Variants in PIERCE1 observed in about 807,000 individuals in gnomAD.
PIERCE1 encodes the protein piercer of microtubule wall 1 protein.
the PIERCE1 span, among the ~76,000 whole-genome samples, chr9:135,496,176 G>T: frequency 6.6e-6 from 1 of 152,218 alleles, no homozygotes; most frequent in Admixed American, 6.5e-5. Flanking sequence ...TATTAGCCAG[G>T]TGTGGTGGCG....
At chr9:135,496,775 G>A in the PIERCE1 span, among the ~76,000 whole-genome samples, 2 of 151,108 alleles carry the variant, frequency 1.3e-5, no homozygotes, top group Admixed American at 6.6e-5. Flanking sequence ...GTATCATGGA[G>A]AGGAATTCCC....
the PIERCE1 span, chr9:135,499,719 G>A: frequency 2.5e-6 from 4 of 1,608,070 alleles, no homozygotes; most frequent in South Asian, 2.2e-5. Flanking sequence ...CTGTAGCCCC[G>A]GAACCACCCC....
chr9:135,498,550 C>T, the PIERCE1 span: 2 of 1,604,222 alleles, frequency 1.2e-6, no homozygotes, highest in Admixed American at 1.7e-5. The surrounding 1 kb of genome is among the most constrained non-coding windows in gnomAD (Gnocchi z 4.1). Flanking sequence ...CCACCCACCC[C>T]CTGCCCCCCA....
At chr9:135,498,311 G>C in the PIERCE1 span, among the ~76,000 whole-genome samples, 1 of 152,146 alleles carries the variant, frequency 6.6e-6, no homozygotes, top group African/African-American at 2.4e-5. This position sits in a 1 kb window ranked among gnomAD's most constrained non-coding sequence, Gnocchi z 4.1. Flanking sequence ...GTGGTTGGGT[G>C]TATGGGGGCA....
chr9:135,497,044 G>C, the PIERCE1 span, among the ~76,000 whole-genome samples: 1 of 152,156 alleles, frequency 6.6e-6, no homozygotes, highest in South Asian at 2.1e-4. Flanking sequence ...TGATCCACCC[G>C]CCTCGGCCTC....
At chr9:135,498,731 T>C in the PIERCE1 span, 1 of 1,447,496 alleles carries the variant, frequency 6.9e-7, no homozygotes, top group East Asian at 2.3e-5. This position sits in a 1 kb window ranked among gnomAD's most constrained non-coding sequence, Gnocchi z 4.1. Flanking sequence ...AGCCTTGTAT[T>C]TGGTTGACGG....
chr9:135,498,559 C>A, the PIERCE1 span: 2 of 1,611,172 alleles, frequency 1.2e-6, no homozygotes, highest in African/African-American at 1.3e-5. The surrounding 1 kb of genome is among the most constrained non-coding windows in gnomAD (Gnocchi z 4.1). Context: ...CCCTGCCCCC[C>A]ATGCCCGGTC....
At chr9:135,498,151 G>A in the PIERCE1 span, among the ~76,000 whole-genome samples, 25 of 152,118 alleles carry the variant, frequency 1.6e-4, no homozygotes, top group African/African-American at 5.8e-4. This position sits in a 1 kb window ranked among gnomAD's most constrained non-coding sequence, Gnocchi z 4.1. Context: ...AAGCTGTGCC[G>A]TCAGCCAGTA....
chr9:135,495,404 T>C, the PIERCE1 span: 3 of 1,606,452 alleles, frequency 1.9e-6, no homozygotes, highest in Non-Finnish European at 2.6e-6. Context: ...GTCAGAGGAC[T>C]CCTAGAGGGA....
chr9:135,495,437 A>C, the PIERCE1 span: 1 of 1,613,386 alleles, frequency 6.2e-7, no homozygotes, highest in Non-Finnish European at 8.5e-7. Flanking sequence ...TCAATCGCAG[A>C]TGGATGGCCT....
chr9:135,495,693 T>C, the PIERCE1 span: 1 of 1,302,008 alleles, frequency 7.7e-7, no homozygotes, highest in East Asian at 2.5e-5. Flanking sequence ...GAAAGAAAAA[T>C]AAGAATTCAT....
the PIERCE1 span, among the ~76,000 whole-genome samples, chr9:135,495,862 C>T: frequency 1.4e-3 from 208 of 152,296 alleles, 1 homozygote; most frequent in Non-Finnish European, 2.5e-3. Flanking sequence ...CCATCTCTAC[C>T]TCAGGATGTG....
At chr9:135,497,398 T>C in the PIERCE1 span, among the ~76,000 whole-genome samples, 1 of 114,132 alleles carries the variant, frequency 8.8e-6, no homozygotes, top group South Asian at 2.8e-4. Context: ...GGGTTTTTTT[T>C]TCTTTTTTTT....
chr9:135,498,597 C>T, the PIERCE1 span: 1 of 1,613,936 alleles, frequency 6.2e-7, no homozygotes, highest in Non-Finnish European at 8.5e-7. The surrounding 1 kb of genome is among the most constrained non-coding windows in gnomAD (Gnocchi z 4.1). Flanking sequence ...GCATCTCGTG[C>T]ACGGTGGGGG....
the PIERCE1 span, chr9:135,495,755 C>T: frequency 2.9e-6 from 2 of 692,786 alleles, no homozygotes; most frequent in African/African-American, 3.6e-5. Flanking sequence ...TCACCCCAGA[C>T]CATCCTAATC....
At chr9:135,499,731 G>A in the PIERCE1 span, 3 of 1,608,324 alleles carry the variant, frequency 1.9e-6, no homozygotes, top group Non-Finnish European at 2.5e-6. Context: ...AACCACCCCG[G>A]GTTGTTGAAC....
At chr9:135,496,336 C>T in the PIERCE1 span, among the ~76,000 whole-genome samples, 1 of 152,182 alleles carries the variant, frequency 6.6e-6, no homozygotes, top group Admixed American at 6.5e-5. Flanking sequence ...GTGCTGAGGC[C>T]ACTCGTGTGG....
chr9:135,498,645 G>A, the PIERCE1 span: 110 of 1,613,882 alleles, frequency 6.8e-5, no homozygotes, highest in Non-Finnish European at 8.9e-5. The surrounding 1 kb of genome is among the most constrained non-coding windows in gnomAD (Gnocchi z 4.1). Context: ...TCCTGTACAC[G>A]GAGACAGCCT....
At chr9:135,497,143 T>C in the PIERCE1 span, among the ~76,000 whole-genome samples, 1 of 152,040 alleles carries the variant, frequency 6.6e-6, no homozygotes. Flanking sequence ...TATTCCCACA[T>C]GGGAGGTAAA....
Sources: allele counts gnomAD v4.1 joint callset (sites outside exome capture counted in the v4.1 genomes callset), GRCh38; gene constraint gnomAD v4.1.1; non-coding constraint Gnocchi (gnomAD v3.1); transcripts MANE v1.5; gene names NCBI Gene and HGNC (gene_info 2026-07-23, HGNC 2026-07-21).